Variants in LRFN5 observed in about 807,000 individuals in gnomAD.
LRFN5 encodes leucine-rich repeat and fibronectin type-III domain-containing protein 5.
Under a neutral mutation model 45.6 loss-of-function variants are expected in LRFN5, and 24 were observed. That is an observed-to-expected ratio of 0.53 (90% CI 0.38 to 0.74). The LOEUF is 0.74. Ranked by LOEUF, LRFN5 falls within the 30% of genes least tolerant of loss-of-function variation. The probability of loss-of-function intolerance (pLI) is 0.00; values close to 1 mark genes in which losing one functional copy is unlikely to be tolerated. For missense variants in LRFN5, 776 were observed against 861.5 expected, an observed-to-expected ratio of 0.90 and a Z score of 1.24; for synonymous variants, 340 against 313.8, an observed-to-expected ratio of 1.08 and a Z score of -0.88.
At chr14:41,790,629 G>T (rs1886886975) in intron 2 of LRFN5, among the ~76,000 whole-genome samples, 1 of 149,974 alleles carries the variant, frequency 6.7e-6, no homozygotes, top group Admixed American at 6.7e-5. Flanking sequence ...TCGATATGTA[G>T]TATTTAATAA....
chr14:41,807,502 G>C (rs1185454600), intron 2 of LRFN5, among the ~76,000 whole-genome samples: 1 of 152,060 alleles, frequency 6.6e-6, no homozygotes, highest in Non-Finnish European at 1.5e-5. Context: ...CTGATGAAAA[G>C]CTATTTCATA....
intron 1 of LRFN5, among the ~76,000 whole-genome samples, chr14:41,752,683 A>G (rs1036131054): frequency 2.6e-5 from 4 of 152,124 alleles, no homozygotes; most frequent in African/African-American, 9.7e-5. Flanking sequence ...TCAGATGAGT[A>G]TATTGCAAAA....
chr14:41,612,571 A>G (rs1197449401), intron 1 of LRFN5, among the ~76,000 whole-genome samples: 1 of 152,156 alleles, frequency 6.6e-6, no homozygotes, highest in Non-Finnish European at 1.5e-5. Context: ...AAATCATTCC[A>G]ATGACACACA....
At chr14:41,751,985 A>T (rs892015579) in intron 1 of LRFN5, among the ~76,000 whole-genome samples, 1 of 152,018 alleles carries the variant, frequency 6.6e-6, no homozygotes, top group African/African-American at 2.4e-5. Context: ...TCATTGTTCA[A>T]TTCCAATCTA....
chr14:41,904,214 C>CA lies in LRFN5; in HGVS notation c.*40dup. 1 of 1,607,682 alleles carries CA rather than the reference C, an allele frequency of 6.2e-7. No individual in the cohort carries two copies. On this transcript the variant is annotated 3_prime_UTR_variant, in exon 6 of 6. Transcript: ENST00000298119. ...TCCTCTCTCTCCTGAAAAAATTTGC[C>CA]ACTGATATTTTTACTGGATAAAATT... is the stretch of plus-strand genomic sequence containing the variant.
intron 1 of LRFN5, among the ~76,000 whole-genome samples, chr14:41,724,659 A>G (rs73305586): frequency 0.035 from 5,297 of 152,088 alleles, 313 homozygotes; most frequent in African/African-American, 0.12. Context: ...TAATAAGTAT[A>G]AATATTTTCA....
intron 2 of LRFN5, among the ~76,000 whole-genome samples, chr14:41,870,359 T>C (rs1889975915): frequency 6.6e-6 from 1 of 152,184 alleles, no homozygotes; most frequent in South Asian, 2.1e-4. Flanking sequence ...GTTTTCCTGC[T>C]GCTAATAAAG....
intron 2 of LRFN5, among the ~76,000 whole-genome samples, chr14:41,785,464 T>C (rs1323361265): frequency 1.3e-5 from 2 of 152,106 alleles, no homozygotes; most frequent in South Asian, 2.1e-4. Flanking sequence ...TCAGCACTTA[T>C]AAACCTTTAC....
chr14:41,729,237 A>C (rs1884065050), intron 1 of LRFN5, among the ~76,000 whole-genome samples: 1 of 152,098 alleles, frequency 6.6e-6, no homozygotes, highest in Non-Finnish European at 1.5e-5. Flanking sequence ...GGTGATGGAT[A>C]AGTTATTGCC....
chr14:41,868,999 A>G (rs1460116712), intron 2 of LRFN5, among the ~76,000 whole-genome samples: 1 of 152,162 alleles, frequency 6.6e-6, no homozygotes, highest in East Asian at 1.9e-4. Context: ...TTCCATCACC[A>G]TTTAAATATG....
At chr14:41,750,188 A>G (rs1885071092) in intron 1 of LRFN5, among the ~76,000 whole-genome samples, 1 of 151,116 alleles carries the variant, frequency 6.6e-6, no homozygotes, top group Non-Finnish European at 1.5e-5. Flanking sequence ...TATTGTTTAC[A>G]TCCTGTATAA....
intron 1 of LRFN5, among the ~76,000 whole-genome samples, chr14:41,717,709 T>C (rs183915191): frequency 6.6e-6 from 1 of 152,190 alleles, no homozygotes; most frequent in Non-Finnish European, 1.5e-5. Context: ...CTACACTGTG[T>C]TAAATCCTGA....
chr14:41,891,606 G>A lies in LRFN5; in HGVS notation c.1742G>A (p.Cys581Tyr), dbSNP rs1276131894. The change falls in exon 4 of 6, where the codon TGT (cysteine) becomes TAT (tyrosine). Residue 581 changes from cysteine (C) to tyrosine (Y), a missense_variant. Coordinates refer to ENST00000298119, the MANE Select transcript of LRFN5 (RefSeq NM_152447.5). Reference protein sequence around the residue: ...SQTNGAQIQGCSVTLPQSVSK... With the variant: ...SQTNGAQIQGYSVTLPQSVSK... ...ACTAACGGGGCTCAAATACAAGGCT[G>A]TAGTGTAACGCTGCCCCAGTCCGTG... 1.2e-6 allele frequency: 2 copies of A among 1,614,098 alleles called. No individual in the cohort carries two copies. Among genetic ancestry groups the A allele is most frequent in the Non-Finnish European group, 1.7e-6 (2 of 1,180,054 alleles).
At chr14:41,877,523 A>C (rs921700752) in intron 2 of LRFN5, among the ~76,000 whole-genome samples, 6 of 152,064 alleles carry the variant, frequency 3.9e-5, no homozygotes, top group African/African-American at 1.5e-4. Flanking sequence ...GATAATTATT[A>C]TTTTTAAAAT....
intron 1 of LRFN5, among the ~76,000 whole-genome samples, chr14:41,739,244 G>A (rs1314677356): frequency 6.6e-6 from 1 of 152,094 alleles, no homozygotes; most frequent in African/African-American, 2.4e-5. Context: ...AATAAGCCAG[G>A]CATGGTGGCA....
chr14:41,884,901 A>G (rs917866845), intron 2 of LRFN5, among the ~76,000 whole-genome samples: 1 of 152,072 alleles, frequency 6.6e-6, no homozygotes, highest in Non-Finnish European at 1.5e-5. Flanking sequence ...AGGGGCTTTT[A>G]CCCTACAAAA....
Position 41,887,591 on chromosome 14 carries a change from T to C in LRFN5, c.966T>C (p.Ser322=), listed in dbSNP as rs1341147975. ...CTGAGCCTGCAATTCACTGGATTTC[T>C]CCTGAAGGGAAGCTTATTTCAAATG... ...GDPEPAIHWI[S]PEGKLISNAT... The change falls in exon 3 of 6, where the codon TCT becomes TCC. Residue 322 remains serine, a synonymous_variant. Transcript: ENST00000298119. The surrounding 1 kb of genome is among the most constrained non-coding windows in gnomAD (Gnocchi z 4.8). 5 of 1,614,054 alleles carry C rather than the reference T, an allele frequency of 3.1e-6. No individual in the cohort carries two copies. In the Admixed American group the frequency reaches 5.0e-5, roughly 16 times the overall value.
In LRFN5 at chr14:41,739,591, A is replaced by G. The variant is rs529032205; in HGVS notation, c.-196-27263A>G. On this transcript the variant is annotated intron_variant, in intron 1 of 5. Transcript: ENST00000298119. The stretch of plus-strand genomic sequence containing the variant: ...CAATCCTTAGAGGGAATTTTATAAC[A>G]ATAAACACCTACATCAAAGAAGAAG... Among the ~76,000 whole-genome samples the G allele has an allele frequency of 5.3e-5, 8 of 152,228 alleles. No individual in the cohort carries two copies. In the South Asian group the frequency reaches 1.5e-3, roughly 28 times the overall value.
intron 1 of LRFN5, among the ~76,000 whole-genome samples, chr14:41,752,034 G>C (rs971282353): frequency 1.3e-5 from 2 of 151,988 alleles, no homozygotes; most frequent in African/African-American, 4.8e-5. Flanking sequence ...TTGTCCTTGC[G>C]ACAGTTTGCT....
Sources: allele counts gnomAD v4.1 joint callset (sites outside exome capture counted in the v4.1 genomes callset), GRCh38; gene constraint gnomAD v4.1.1; non-coding constraint Gnocchi (gnomAD v3.1); transcripts MANE v1.5; gene names NCBI Gene and HGNC (gene_info 2026-07-23, HGNC 2026-07-21).